The following NBPF9 variants were observed in gnomAD, a reference collection of about 807,000 sequenced individuals.
The protein encoded by NBPF9 is NBPF member 9.
In NBPF9, 91 loss-of-function variants were observed where a neutral mutation model predicts 97.8. That is an observed-to-expected ratio of 0.93 (90% CI 0.79 to 1.11). The LOEUF (loss-of-function observed/expected upper bound fraction) is 1.11, where lower values mean the gene tolerates loss of function less well. Ranked by LOEUF, NBPF9 falls within the 50% of genes least tolerant of loss-of-function variation. The probability of loss-of-function intolerance (pLI) is 0.00; values close to 1 mark genes in which losing one functional copy is unlikely to be tolerated. For missense variants in NBPF9, 992 were observed against 939.5 expected (o/e 1.06, Z -0.73); for synonymous variants, 334 against 359.5 (o/e 0.93, Z 0.80).
intron 9 of NBPF9, 88 bp downstream of exon 9, chr1:149,078,919 T>A (rs1417028475): frequency 1.3e-6 from 2 of 1,573,754 alleles, no homozygotes; most frequent in Non-Finnish European, 1.7e-6. Context: ...AAAACCCCAC[T>A]GATACAACTG....
At chr1:149,089,214 C>T (rs1461766352) in intron 5 of NBPF9, among the ~76,000 whole-genome samples, 1 of 152,172 alleles carries the variant, frequency 6.6e-6, no homozygotes, top group African/African-American at 2.4e-5. Context: ...TACACGCACA[C>T]CGCTGTTCCC....
chr1:149,090,046 C>T (rs2081317199), intron 5 of NBPF9, among the ~76,000 whole-genome samples: 1 of 151,684 alleles, frequency 6.6e-6, no homozygotes, highest in African/African-American at 2.4e-5. Context: ...AATAAACCTG[C>T]CTGAATTAAA....
chr1:149,070,866 G>T (rs1553652745), intron 16 of NBPF9, 68 bp downstream of exon 16: 4 of 1,284,856 alleles, frequency 3.1e-6, no homozygotes, highest in African/African-American at 1.5e-5. Context: ...TGTTTATAGA[G>T]CCTGTCTTCA....
chr1:149,068,460 AG>A (rs2079169976), intron 17 of NBPF9, among the ~76,000 whole-genome samples: 1 of 148,354 alleles, frequency 6.7e-6, no homozygotes, highest in African/African-American at 2.5e-5. Context: ...AAACAAAAAA[AG>A]GCAGGGGTTG....
intron 7 of NBPF9, among the ~76,000 whole-genome samples, chr1:149,081,764 T>A (rs1304618913): frequency 7.6e-6 from 1 of 132,408 alleles, no homozygotes; most frequent in Admixed American, 7.8e-5. Flanking sequence ...CCCACCCCCA[T>A]CTGATTGCAA....
intron 11 of NBPF9, among the ~76,000 whole-genome samples, chr1:149,076,526 G>A (rs2079888128): frequency 7.1e-6 from 1 of 141,474 alleles, no homozygotes; most frequent in African/African-American, 2.6e-5. Flanking sequence ...TTTTTGAGAT[G>A]GAGTCTCGCT....
intron 16 of NBPF9, among the ~76,000 whole-genome samples, chr1:149,070,320 C>CAAAAAAA (rs3979925): frequency 2.1e-5 from 1 of 47,808 alleles, no homozygotes; most frequent in African/African-American, 9.2e-5. Context: ...GACTCCATCG[C>CAAAAAAA]AAAAAAAAAA....
At position 149,099,056 on chromosome 1, in the gene NBPF9, GA is replaced by G. The variant is rs1323957317; in HGVS notation, c.-605-351del. Among the ~76,000 whole-genome samples, 29 of 145,888 alleles carry G rather than the reference GA, an allele frequency of 2.0e-4. No individual in the cohort carries two copies. The East Asian group carries it at 3.0e-3, about 15-fold the overall frequency. ...GGCACCACTGAACTCCAGCCTGGGGGAAAAAAAAATAAAGAGTCCTGACTAA... is the reference window on the plus strand; with the variant it reads ...GGCACCACTGAACTCCAGCCTGGGGGAAAAAAAATAAAGAGTCCTGACTAA... On this transcript the variant is annotated intron_variant, in intron 3 of 29. Coordinates refer to ENST00000584027, the Ensembl canonical transcript of NBPF9.
intron 5 of NBPF9, among the ~76,000 whole-genome samples, chr1:149,086,304 C>A (rs1242381794): frequency 1.1e-4 from 16 of 151,758 alleles, no homozygotes; most frequent in Non-Finnish European, 1.9e-4. Flanking sequence ...AAGCCAGTGC[C>A]CTTATACAAA....
chr1:149,071,963 G>A (rs1478951171), intron 14 of NBPF9, among the ~76,000 whole-genome samples: 1 of 149,712 alleles, frequency 6.7e-6, no homozygotes, highest in African/African-American at 2.5e-5. Context: ...GTTGGCAGCT[G>A]TCTCCCCCAT....
intron 7 of NBPF9, among the ~76,000 whole-genome samples, chr1:149,080,988 C>G (rs1268025171): frequency 2.0e-5 from 3 of 151,652 alleles, no homozygotes; most frequent in South Asian, 2.1e-4. Context: ...GCTTTGCACA[C>G]TGCACTGCTG....
At chr1:149,087,662 A>G (rs1436878170) in intron 5 of NBPF9, among the ~76,000 whole-genome samples, 1 of 150,806 alleles carries the variant, frequency 6.6e-6, no homozygotes, top group Non-Finnish European at 1.5e-5. Context: ...TTAGAATTGC[A>G]TTGGATCTGG....
At chr1:149,097,100 G>A (rs1399817188) in intron 4 of NBPF9, among the ~76,000 whole-genome samples, 1 of 150,102 alleles carries the variant, frequency 6.7e-6, no homozygotes, top group South Asian at 2.1e-4. Context: ...AAGGAAGGAA[G>A]GGAGGGAGGG....
chr1:149,099,263 C>T (rs1417978803), intron 3 of NBPF9, among the ~76,000 whole-genome samples: 19 of 152,288 alleles, frequency 1.2e-4, no homozygotes, highest in African/African-American at 3.6e-4. Flanking sequence ...GCTGAGCTTT[C>T]GCTAGGTTAT....
chr1:149,097,176 GGGAGA>G (rs1385583832), intron 4 of NBPF9, among the ~76,000 whole-genome samples: 1 of 151,358 alleles, frequency 6.6e-6, no homozygotes, highest in East Asian at 1.9e-4. Flanking sequence ...AAGTAGGGAA[GGGAGA>G]GAAGTAGGGA....
intron 18 of NBPF9, chr1:149,065,325 G>A: frequency 5.3e-6 from 4 of 755,848 alleles, no homozygotes; most frequent in East Asian, 2.7e-5. Context: ...CCTGAGACTA[G>A]GAAGAGAGCA....
rs1186454037 is a variant in NBPF9, at chr1:149,059,254, C to T, written c.2586-157G>A. Reference sequence around the variant, plus strand: ...TTATTGCCTTTAGGTTGGGATAGACCAGGGCCAGGTAGAAAAGAATGAAAG... The same window carrying T: ...TTATTGCCTTTAGGTTGGGATAGACTAGGGCCAGGTAGAAAAGAATGAAAG... On this transcript the variant is annotated intron_variant, in intron 25 of 29. Transcript: ENST00000584027. The T allele has an allele frequency of 1.4e-4, 65 of 462,406 alleles. 7 individuals carry two copies. In the East Asian group the frequency reaches 1.7e-3, roughly 12 times the overall value. 28.6% of individuals were successfully genotyped at this position (462,406 alleles called of 1,614,324 possible).
At chr1:149,071,870 G>A (rs1282009776) in intron 14 of NBPF9, among the ~76,000 whole-genome samples, 194 bp from the exon 15 acceptor site, 3 of 151,424 alleles carry the variant, frequency 2.0e-5, no homozygotes, top group African/African-American at 7.3e-5. Context: ...TGATCTGGAG[G>A]GCCACCATCA....
intron 5 of NBPF9, among the ~76,000 whole-genome samples, chr1:149,085,751 G>A (rs1382894165): frequency 2.6e-5 from 4 of 151,134 alleles, no homozygotes; most frequent in Non-Finnish European, 5.9e-5. Context: ...TTAAGATGAT[G>A]AAAACAACTT....
Sources: gnomAD v4.1 joint callset for allele counts (sites outside exome capture counted in the v4.1 genomes callset) on GRCh38, gnomAD v4.1.1 for gene constraint, MANE v1.5 for transcripts, NCBI Gene and HGNC (gene_info 2026-07-23, HGNC 2026-07-21) for gene names.